The following LRRC75A variants were observed in gnomAD, a reference collection of about 807,000 sequenced individuals.
LRRC75A encodes the protein leucine-rich repeat-containing protein 75A.
In LRRC75A, 12 loss-of-function variants were observed where a neutral mutation model predicts 26.0. That is an observed-to-expected ratio of 0.46 (90% CI 0.30 to 0.75). LRRC75A has a LOEUF of 0.75. Among genes scored for constraint, LRRC75A ranks in the 30% least tolerant of loss-of-function variants. The probability of loss-of-function intolerance (pLI) is 0.08; values close to 1 mark genes in which losing one functional copy is unlikely to be tolerated. For synonymous variants in LRRC75A, 223 were observed against 219.3 expected (o/e 1.02, Z -0.15); for missense variants, 410 against 486.6 (o/e 0.84, Z 1.48).
chr17:16,476,110 G>T (rs1428849042), intron 1 of LRRC75A, among the ~76,000 whole-genome samples: 1 of 151,950 alleles, frequency 6.6e-6, no homozygotes. Flanking sequence ...CAGGAGAATG[G>T]CATGAATCCG....
intron 2 of LRRC75A, among the ~76,000 whole-genome samples, chr17:16,453,573 TGA>T (rs1205799967): frequency 6.6e-6 from 1 of 151,974 alleles, no homozygotes. Context: ...CTCTCAGGAG[TGA>T]GAGTTCCCTT....
Position 16,491,375 on chromosome 17 carries a change from C to T in LRRC75A, c.246+370G>A, listed in dbSNP as rs972342990. 6.6e-6 allele frequency among the ~76,000 whole-genome samples: 1 copy of T among 152,234 alleles called. No individual in the cohort carries two copies. The highest frequency in any genetic ancestry group is 1.9e-4 in the East Asian group (1 of 5,186). ...GAGGACCCTCGGCCGGGAGTGACTG[C>T]CAGTGGGCAGACAGGAAGAAAAGAG... On this transcript the variant is annotated intron_variant, in intron 1 of 3. Transcript: ENST00000470794. This position sits in a 1 kb window ranked among gnomAD's most constrained non-coding sequence, Gnocchi z 5.9.
At chr17:16,477,706 G>A (rs1190897666) in intron 1 of LRRC75A, among the ~76,000 whole-genome samples, 1 of 152,228 alleles carries the variant, frequency 6.6e-6, no homozygotes, top group African/African-American at 2.4e-5. Context: ...GGGGCTGCCA[G>A]ACTGCCAGAC....
rs564825402 is a variant in LRRC75A at position 16,473,437 on chromosome 17, C to G, written c.247-11051G>C. Among the ~76,000 whole-genome samples, 224 of 152,304 alleles carry G rather than the reference C, an allele frequency of 1.5e-3. No individual in the cohort carries two copies. The Middle Eastern group carries it at 0.02, about 14-fold the overall frequency. On this transcript the variant is annotated intron_variant, in intron 1 of 3. Transcript: ENST00000470794. The stretch of plus-strand genomic sequence containing the variant: ...CTGCTGATGTCTAAGGTGGGCATTG[C>G]CCGGCTCCTGGTCCCAGTCTTGGGG...
At chr17:16,450,434 A>ATCCCTGCCCCCAG (rs1555887541) in intron 2 of LRRC75A, among the ~76,000 whole-genome samples, 1 of 151,206 alleles carries the variant, frequency 6.6e-6, no homozygotes, top group Non-Finnish European at 1.5e-5. Context: ...GCCCATCCCC[A>ATCCCTGCCCCCAG]CCCCTGCCCC....
intron 1 of LRRC75A, among the ~76,000 whole-genome samples, chr17:16,475,035 C>T (rs111678611): frequency 0.018 from 2,801 of 151,764 alleles, 102 homozygotes; most frequent in African/African-American, 0.064. Context: ...GGTTCATCCT[C>T]AAAGGATTTT....
At chr17:16,445,291 G>C (rs879793650) in intron 3 of LRRC75A, among the ~76,000 whole-genome samples, 8 of 146,376 alleles carry the variant, frequency 5.5e-5, no homozygotes, top group Non-Finnish European at 1.2e-4. Context: ...TCAGCCTCCC[G>C]AGTAGCTGGG....
Position 16,491,691 on chromosome 17 carries a change from G to A in LRRC75A, c.246+54C>T, listed in dbSNP as rs1601211542. On this transcript the variant is annotated intron_variant, in intron 1 of 3. Transcript: ENST00000470794. The surrounding 1 kb of genome is among the most constrained non-coding windows in gnomAD (Gnocchi z 5.9). ...GGTTAGGGATGGGGCGCCCCCCCCG[G>A]CCCAGCACGCCCCCTGGCCCGGCGC... The A allele has an allele frequency of 9.9e-6, 12 of 1,212,686 alleles. No homozygotes were observed. In the African/African-American group the frequency reaches 1.5e-4, roughly 15 times the overall value. 75.1% of individuals were successfully genotyped at this position (1,212,686 alleles called of 1,614,324 possible).
chr17:16,452,797 G>A (rs1426755872), intron 2 of LRRC75A, among the ~76,000 whole-genome samples: 5 of 152,062 alleles, frequency 3.3e-5, no homozygotes, highest in South Asian at 2.1e-4. Context: ...AGAAGCACTG[G>A]TTCAAAGACC....
At chr17:16,457,220 C>T (rs1347340800) in intron 2 of LRRC75A, among the ~76,000 whole-genome samples, 1 of 152,224 alleles carries the variant, frequency 6.6e-6, no homozygotes, top group Non-Finnish European at 1.5e-5. Context: ...CTATCCCTCC[C>T]TCATCCATAA....
At chr17:16,476,422 G>C (rs2093819788) in intron 1 of LRRC75A, among the ~76,000 whole-genome samples, 1 of 151,416 alleles carries the variant, frequency 6.6e-6, no homozygotes, top group South Asian at 2.1e-4. Flanking sequence ...TGTTTGCCTA[G>C]GCTGGTCTTG....
At chr17:16,446,999 G>A (rs73287095) in intron 3 of LRRC75A, 6,097 of 341,848 alleles carry the variant, frequency 0.018, 318 homozygotes, top group African/African-American at 0.11. Context: ...ATGAGGGAGG[G>A]GGACAGCCCT....
At chr17:16,450,648 C>T (rs1011070143) in intron 2 of LRRC75A, among the ~76,000 whole-genome samples, 1 of 152,232 alleles carries the variant, frequency 6.6e-6, no homozygotes, top group Admixed American at 6.5e-5. Context: ...TAGCTTCTTG[C>T]TGAACCTGGC....
chr17:16,460,775 C>T (rs1216088578), intron 2 of LRRC75A: 1 of 152,296 alleles, frequency 6.6e-6, no homozygotes, highest in Non-Finnish European at 1.5e-5. Context: ...TTGAGAGCCC[C>T]ATCGCCTTTC....
chr17:16,456,396 A>G (rs1232527299), intron 2 of LRRC75A, among the ~76,000 whole-genome samples: 5 of 113,194 alleles, frequency 4.4e-5, no homozygotes, highest in Admixed American at 8.8e-5. Context: ...AGAAGAAGGA[A>G]AAGGAGGAAG....
intron 1 of LRRC75A, among the ~76,000 whole-genome samples, chr17:16,480,327 C>T (rs1044186678): frequency 9.9e-5 from 15 of 152,128 alleles, no homozygotes; most frequent in African/African-American, 3.6e-4. Flanking sequence ...GTCCCTGGTG[C>T]CAAAAAGATT....
chr17:16,473,024 G>T (rs2093811383), intron 1 of LRRC75A, among the ~76,000 whole-genome samples: 1 of 152,110 alleles, frequency 6.6e-6, no homozygotes, highest in Non-Finnish European at 1.5e-5. Context: ...TTCGTGAGGG[G>T]AATAATGAAA....
At chr17:16,479,364 G>C (rs1793281363) in intron 1 of LRRC75A, among the ~76,000 whole-genome samples, 1 of 152,214 alleles carries the variant, frequency 6.6e-6, no homozygotes, top group African/African-American at 2.4e-5. Flanking sequence ...AAGATGCATG[G>C]GAGAAGGGCT....
chr17:16,446,842 T>C (rs1009237), intron 3 of LRRC75A: 86,484 of 257,990 alleles, frequency 0.34, 15,445 homozygotes, highest in Non-Finnish European at 0.36. Context: ...TCTACCCAGG[T>C]AGAGCCCCTC....
Sources: allele counts gnomAD v4.1 joint callset (sites outside exome capture counted in the v4.1 genomes callset), GRCh38; gene constraint gnomAD v4.1.1; non-coding constraint Gnocchi (gnomAD v3.1); transcripts MANE v1.5; gene names NCBI Gene and HGNC (gene_info 2026-07-23, HGNC 2026-07-21).